Variants in ALG12 observed in about 807,000 individuals in gnomAD.
ALG12 encodes dol-P-Man:Man(7)GlcNAc(2)-PP-Dol alpha-1,6-mannosyltransferase.
ALG12 carries 36 observed loss-of-function variants against 46.0 expected under a neutral mutation model. The ratio of observed to expected loss-of-function variants is 0.78; its 90% CI spans 0.60 to 1.03. The LOEUF (loss-of-function observed/expected upper bound fraction) is 1.03. ALG12 is among the 50% of genes least tolerant of loss of function. ALG12 has a pLI of 0.00. For missense variants in ALG12, 599 were observed against 633.5 expected (o/e 0.95, Z 0.58); for synonymous variants, 326 against 291.6 (o/e 1.12, Z -1.20).
intron 1 of ALG12, among the ~76,000 whole-genome samples, chr22:49,914,603 A>G (rs2060599615): frequency 6.6e-6 from 1 of 152,228 alleles, no homozygotes; most frequent in African/African-American, 2.4e-5. Context: ...GTGAGAGACC[A>G]AGGGAGGGGA....
At chr22:49,883,751 A>G in the ALG12 span, 1 of 1,612,548 alleles carries the variant, frequency 6.2e-7, no homozygotes, top group East Asian at 2.2e-5. Flanking sequence ...GAAGATGATG[A>G]TGGAATTCCT....
At chr22:49,912,218 T>TGG (rs140366863) in intron 3 of ALG12, among the ~76,000 whole-genome samples, 3,274 of 151,266 alleles carry the variant, frequency 0.022, 78 homozygotes, top group African/African-American at 0.052. Context: ...TGGCAGGGGC[T>TGG]GGGGGGGGCA....
chr22:49,884,988 A>G, the ALG12 span: 1 of 1,613,574 alleles, frequency 6.2e-7, no homozygotes, highest in Non-Finnish European at 8.5e-7. Context: ...GATTGTTTGA[A>G]TCTGGCGCCA....
chr22:49,885,215 C>T, the ALG12 span: 1 of 1,613,390 alleles, frequency 6.2e-7, no homozygotes, highest in Non-Finnish European at 8.5e-7. Flanking sequence ...TTCCTGGGTG[C>T]AAGTCTGGCA....
In ALG12 at chr22:49,902,598, T is replaced by C. The variant is rs548772296; in HGVS notation, c.*1240A>G. On this transcript the variant is annotated 3_prime_UTR_variant, in exon 10 of 10. Coordinates refer to ENST00000330817, the MANE Select transcript of ALG12 (RefSeq NM_024105.4). ...GTGCACTGTGTGTGGTGTGTATGCATGGTGTGTGCACGTGTGCACTGTGTA... is the reference window on the plus strand; with the variant it reads ...GTGCACTGTGTGTGGTGTGTATGCACGGTGTGTGCACGTGTGCACTGTGTA... 2 of 140,504 alleles carry C rather than the reference T, an allele frequency of 1.4e-5. No homozygotes were observed. The highest frequency in any genetic ancestry group is 2.8e-5 in the African/African-American group (1 of 35,572). The allele number at this position is 140,504 out of a possible 1,614,324, so 8.7% of individuals were successfully genotyped here. A position where few individuals can be genotyped will look rare whatever the true frequency, so the allele number is the denominator to read the frequency against.
rs759791160 is a variant in ALG12, at chr22:49,913,745, T to C, written c.21A>G (p.Ser7=). MAGKGS[S]GRRPLLLGLL... is the part of the protein sequence containing the mutation. ...GCCCCAGCAGCAGGGGCCGCCTGCCTGATGACCCCTTTCCAGCCATTCCAG... is the reference window on the plus strand; with the variant it reads ...GCCCCAGCAGCAGGGGCCGCCTGCCCGATGACCCCTTTCCAGCCATTCCAG... The change falls in exon 2 of 10, where the codon TCA becomes TCG. Residue 7 remains serine (S), a synonymous_variant. Transcript: ENST00000330817. 2 of 1,613,756 alleles carry C rather than the reference T, an allele frequency of 1.2e-6. No individual in the cohort carries two copies. The highest frequency in any genetic ancestry group is 4.5e-5 in the East Asian group (2 of 44,886).
Position 49,913,500 on chromosome 22 carries a change from G to A in ALG12, c.180C>T (p.Phe60=), listed in dbSNP as rs202026974. The A allele has an allele frequency of 6.8e-6, 11 of 1,613,964 alleles. No individual in the cohort carries two copies. The highest frequency in any genetic ancestry group is 3.3e-4 in the Middle Eastern group (2 of 6,062). The change falls in exon 3 of 10, where the codon TTC becomes TTT. Residue 60 remains phenylalanine (F), a synonymous_variant. Transcript: ENST00000330817. ...GGAACGTCCTGGGGACGACTCCGGG[G>A]AACTCAAGATGGTCGTACTGCGAGG... is the stretch of plus-strand genomic sequence containing the variant. ...QDLEQYDHLE[F]PGVVPRTFLG... is the part of the protein sequence containing the mutation.
rs1226001623 is a variant in ALG12 at position 49,901,774 on chromosome 22, C to CATTGTGTGGATGCATGGTAATGTAG, written c.*2063_*2064insCTACATTACCATGCATCCACACAAT. 23 of 133,784 alleles carry CATTGTGTGGATGCATGGTAATGTAG rather than the reference C, an allele frequency of 1.7e-4. No individual in the cohort carries two copies. Among genetic ancestry groups the CATTGTGTGGATGCATGGTAATGTAG allele is most frequent in the Admixed American group, 5.3e-4 (7 of 13,306 alleles). 8.3% of individuals were successfully genotyped at this position (133,784 alleles called of 1,614,324 possible). On this transcript the variant is annotated 3_prime_UTR_variant, in exon 10 of 10. Transcript: ENST00000330817. ...TGCGTGGTGTATGCATGGTAATGTG[C>CATTGTGTGGATGCATGGTAATGTAG]ACGTGTGCACTGTGTGTGGTATGTA...
Position 49,907,902 on chromosome 22 carries a change from C to A in ALG12, c.811G>T (p.Gly271Cys). The part of the protein sequence containing the change: ...LWYFYSALPR[G>C]LGCSLLFIPL... ...ATGAAGAGCAGGCTGCAGCCCAGGC[C>A]GCGGGGCAGGGCTGAGTAGAAGTAC... Residue 271 changes from glycine (G) to cysteine (C), a missense_variant, in exon 7 of 10, where the codon GGC becomes TGC. Physicochemically the swap from Gly to Cys is radical, Grantham distance 159. Coordinates refer to ENST00000330817, the MANE Select transcript of ALG12 (RefSeq NM_024105.4). 1 of 1,613,546 alleles carries A rather than the reference C, an allele frequency of 6.2e-7. No homozygotes were observed. Among genetic ancestry groups the A allele is most frequent in the African/African-American group, 1.3e-5 (1 of 75,038 alleles).
At chr22:49,891,049 T>C in the ALG12 span, among the ~76,000 whole-genome samples, 1 of 151,838 alleles carries the variant, frequency 6.6e-6, no homozygotes, top group East Asian at 1.9e-4. Context: ...AAAAAAATGT[T>C]CTTTGGCCCT....
At chr22:49,894,428 T>C in the ALG12 span, among the ~76,000 whole-genome samples, 475 of 152,300 alleles carry the variant, frequency 3.1e-3, 3 homozygotes, top group African/African-American at 0.011. Flanking sequence ...AACCCAGCTA[T>C]GTTCATTCAC....
At chr22:49,877,535 C>T in the ALG12 span, among the ~76,000 whole-genome samples, 1 of 152,114 alleles carries the variant, frequency 6.6e-6, no homozygotes, top group Non-Finnish European at 1.5e-5. Flanking sequence ...CGTGTGATCC[C>T]TCCCACCTTG....
chr22:49,895,032 G>C, the ALG12 span, among the ~76,000 whole-genome samples: 1 of 152,222 alleles, frequency 6.6e-6, no homozygotes, highest in African/African-American at 2.4e-5. Flanking sequence ...TTGCCGCTGG[G>C]GGCAGACAGG....
chr22:49,897,807 C>T (rs1489767635), downstream of ALG12, among the ~76,000 whole-genome samples: 5 of 151,610 alleles, frequency 3.3e-5, no homozygotes, highest in Admixed American at 2.6e-4. Flanking sequence ...AGGTGCCCAC[C>T]ACCACGCCCG....
At chr22:49,910,343 G>C (rs539144437) in intron 4 of ALG12, 91 bp downstream of exon 4, 48 of 1,502,496 alleles carry the variant, frequency 3.2e-5, no homozygotes, top group Non-Finnish European at 4.0e-5. Context: ...TGGCCATTAC[G>C]GGGGAGGCAC....
At chr22:49,864,610 A>G in the ALG12 span, among the ~76,000 whole-genome samples, 1 of 152,080 alleles carries the variant, frequency 6.6e-6, no homozygotes, top group Non-Finnish European at 1.5e-5. Flanking sequence ...TGAGCCTGGG[A>G]GTTTGAGACC....
Position 49,907,819 on chromosome 22 carries a change from G to C in ALG12, c.894C>G (p.Phe298Leu), listed in dbSNP as rs1192935113. 6.2e-7 allele frequency: 1 copy of C among 1,614,168 alleles called. No individual in the cohort carries two copies. Among genetic ancestry groups the C allele is most frequent in the Admixed American group, 1.7e-5 (1 of 60,028 alleles). The change falls in exon 7 of 10, where the codon TTC (phenylalanine) becomes TTG (leucine). Residue 298 changes from phenylalanine (F) to leucine (L), a missense_variant. By Grantham distance (22) the Phe-to-Leu change is conservative. Coordinates refer to ENST00000330817, the MANE Select transcript of ALG12 (RefSeq NM_024105.4). ...GTGGCAGGAGGGAGTAGAGTGCCAT[G>C]AAGCCCAGTGCCAGCACCGTCGGCG... ...THAPTVLALG[F>L]MALYSLLPHK...
the ALG12 span, among the ~76,000 whole-genome samples, chr22:49,880,741 T>C: frequency 6.6e-6 from 1 of 152,254 alleles, no homozygotes; most frequent in East Asian, 1.9e-4. Flanking sequence ...ATATCAATTT[T>C]AGACTTCTGT....
rs2060528673 is a variant in ALG12, at chr22:49,903,996, C to T, written c.1309G>A (p.Ala437Thr). The T allele has an allele frequency of 1.2e-6, 2 of 1,614,210 alleles. No homozygotes were observed. The highest frequency in any genetic ancestry group is 1.1e-5 in the South Asian group (1 of 91,090). ...LAYTHILMEA[A>T]PGLLALYRDT... ...CTGTAGAGGGCCAGGAGCCCAGGGG[C>T]CGCCTCCATGAGGATGTGTGTGTAT... is the stretch of plus-strand genomic sequence containing the variant. The change falls in exon 10 of 10, where the codon GCC (alanine) becomes ACC (threonine). Residue 437 changes from alanine to threonine, a missense_variant. Physicochemically the swap from Ala to Thr is moderately conservative, Grantham distance 58. Coordinates refer to ENST00000330817, the MANE Select transcript of ALG12 (RefSeq NM_024105.4).
Sources: gnomAD v4.1 joint callset for allele counts (sites outside exome capture counted in the v4.1 genomes callset) on GRCh38, gnomAD v4.1.1 for gene constraint, MANE v1.5 for transcripts, NCBI Gene and HGNC (gene_info 2026-07-23, HGNC 2026-07-21) for gene names.